The following KDM5A variants were observed in gnomAD, a reference collection of about 807,000 sequenced individuals.
KDM5A encodes the protein lysine demethylase 5A, also known as lysine-specific demethylase 5A.
In KDM5A, 42 loss-of-function variants were observed where a neutral mutation model predicts 193.5. That is an observed-to-expected ratio of 0.22 (90% CI 0.17 to 0.28). The LOEUF (loss-of-function observed/expected upper bound fraction) is 0.28, where lower values mean the gene tolerates loss of function less well. KDM5A is among the 10% of genes least tolerant of loss of function. KDM5A has a pLI of 1.00. For synonymous variants in KDM5A, 796 were observed against 718.1 expected (o/e 1.11, Z -1.73); for missense variants, 1,692 against 2,055.1 (o/e 0.82, Z 3.42).
chr12:382,748 A>G (rs890679727), intron 3 of KDM5A, among the ~76,000 whole-genome samples: 4 of 152,162 alleles, frequency 2.6e-5, no homozygotes, highest in African/African-American at 9.7e-5. Context: ...CCTGACTAAG[A>G]TAGTGAAACC....
At chr12:303,450 G>A (rs890420731) in intron 24 of KDM5A, among the ~76,000 whole-genome samples, 4 of 152,186 alleles carry the variant, frequency 2.6e-5, no homozygotes, top group African/African-American at 9.7e-5. Context: ...CTCATAAGTG[G>A]GAGTTGAACA....
chr12:315,555 C>A (rs959315573), intron 19 of KDM5A, among the ~76,000 whole-genome samples: 1 of 151,324 alleles, frequency 6.6e-6, no homozygotes, highest in Admixed American at 6.6e-5. Context: ...CCAGCCTGGG[C>A]AACAAAGCAA....
At chr12:381,025 G>A (rs1272507784) in intron 3 of KDM5A, among the ~76,000 whole-genome samples, 5 of 150,684 alleles carry the variant, frequency 3.3e-5, no homozygotes, top group East Asian at 2.0e-4. Flanking sequence ...GAGTTGTGCC[G>A]CTCTTATTGC....
In KDM5A at chr12:295,489, C is replaced by T. The variant is rs924791963; in HGVS notation, c.4455+84G>A. ...CAGCCAGATTACTGCCCTCAGCCAC[C>T]CCTTTGCCAACATTTATGATACCTC... is the stretch of plus-strand genomic sequence containing the variant. On this transcript the variant is annotated intron_variant, in intron 26 of 27. Transcript: ENST00000399788. 4 of 1,282,848 alleles carry T rather than the reference C, an allele frequency of 3.1e-6. No individual in the cohort carries two copies. In the African/African-American group the frequency reaches 4.4e-5, roughly 14 times the overall value. 79.5% of individuals were successfully genotyped at this position (1,282,848 alleles called of 1,614,324 possible).
intron 10 of KDM5A, among the ~76,000 whole-genome samples, chr12:345,333 A>T (rs1944057622): frequency 6.6e-6 from 1 of 152,114 alleles, no homozygotes; most frequent in African/African-American, 2.4e-5. Flanking sequence ...AACTTTAACA[A>T]CCCACTGTCA....
intron 13 of KDM5A, among the ~76,000 whole-genome samples, chr12:329,806 G>A (rs549813210): frequency 1.3e-4 from 20 of 152,128 alleles, no homozygotes; most frequent in Admixed American, 1.1e-3. Flanking sequence ...TGCCCTACAC[G>A]TATATACGCA....
chr12:322,247 GA>G, intron 17 of KDM5A, 169 bp downstream of exon 17: 1 of 640,648 alleles, frequency 1.6e-6, no homozygotes, highest in Non-Finnish European at 2.7e-6. Context: ...GCTGGAGCAA[GA>G]AAGAAGGGAG....
chr12:339,048 C>A (rs376600532), intron 10 of KDM5A, among the ~76,000 whole-genome samples: 1 of 151,790 alleles, frequency 6.6e-6, no homozygotes, highest in African/African-American at 2.4e-5. Context: ...CGTGGTGGTG[C>A]GTGCCTGTAA....
intron 3 of KDM5A, among the ~76,000 whole-genome samples, chr12:376,702 CT>C (rs1320740081): frequency 6.6e-6 from 1 of 152,202 alleles, no homozygotes; most frequent in Non-Finnish European, 1.5e-5. Context: ...GGAGCTGTTC[CT>C]ATTCGGCCAT....
chr12:287,235 G>A lies in KDM5A; in HGVS notation c.4867-1573C>T, dbSNP rs940304786. Among the ~76,000 whole-genome samples, 3 of 152,042 alleles carry A rather than the reference G, an allele frequency of 2.0e-5. No homozygotes were observed. In the South Asian group the frequency reaches 6.2e-4, roughly 32 times the overall value. On this transcript the variant is annotated intron_variant, in intron 27 of 27. Coordinates refer to ENST00000399788, the MANE Select transcript of KDM5A (RefSeq NM_001042603.3). The stretch of plus-strand genomic sequence containing the variant: ...ATTGTGTTTGTTTAAAATGTAGCTG[G>A]GACCCATCACCCTATGAACTCAGAA...
In KDM5A at chr12:296,867, A is replaced by G. The variant is rs561153253; in HGVS notation, c.4234+174T>C. On this transcript the variant is annotated intron_variant, in intron 25 of 27. Transcript: ENST00000399788. ...AAGTTTTCAGGTTGTGATGACAGAA[A>G]ATGCAAACAGGGATTGGCTTTTCCA... Among the ~76,000 whole-genome samples the G allele has an allele frequency of 3.9e-5, 6 of 152,338 alleles. 1 individual carries two copies. In the East Asian group the frequency reaches 1.2e-3, roughly 29 times the overall value.
At chr12:349,295 C>G (rs1944119146) in intron 10 of KDM5A, among the ~76,000 whole-genome samples, 1 of 149,636 alleles carries the variant, frequency 6.7e-6, no homozygotes, top group South Asian at 2.1e-4. Context: ...GCTGGGATTA[C>G]AGGTGTGAGC....
At position 307,323 on chromosome 12, in the gene KDM5A, GGA is replaced by G. The variant is rs1404028159; in HGVS notation, c.3930+129_3930+130del. The G allele has an allele frequency of 4.6e-6, 5 of 1,086,502 alleles. No individual in the cohort carries two copies. Among genetic ancestry groups the G allele is most frequent in the Non-Finnish European group, 4.1e-6 (3 of 725,632 alleles). The allele number at this position is 1,086,502 out of a possible 1,614,324, so 67.3% of individuals were successfully genotyped here. ...AAAAAGTGCTATAGTGTATGTTGAA[GGA>G]GAATGCAATGGATAATTGCTGACAA... On this transcript the variant is annotated intron_variant, in intron 23 of 27. Transcript: ENST00000399788. This position sits in a 1 kb window ranked among gnomAD's most constrained non-coding sequence, Gnocchi z 4.3.
chr12:313,682 A>G (rs750383219), intron 19 of KDM5A, among the ~76,000 whole-genome samples: 4 of 152,226 alleles, frequency 2.6e-5, no homozygotes, highest in Non-Finnish European at 5.9e-5. Context: ...AACATTAGTT[A>G]CACAAAGATG....
intron 10 of KDM5A, among the ~76,000 whole-genome samples, chr12:343,177 C>T (rs1001825150): frequency 6.6e-6 from 1 of 152,182 alleles, no homozygotes; most frequent in Non-Finnish European, 1.5e-5. Flanking sequence ...ACTGCTAGCG[C>T]AGCAGTCTGA....
At chr12:384,287 A>T (rs1944613271) in intron 2 of KDM5A, 134 bp from the exon 3 acceptor site, 2 of 708,914 alleles carry the variant, frequency 2.8e-6, no homozygotes, top group Admixed American at 2.0e-5. Flanking sequence ...ACACAGCAGG[A>T]GGTGAGCAGC....
chr12:286,166 A>G (rs1437730857), intron 27 of KDM5A: 2 of 509,508 alleles, frequency 3.9e-6, no homozygotes, highest in East Asian at 5.7e-5. Flanking sequence ...TTTAAAACTA[A>G]TATTTTTTAT....
chr12:385,500 ACC>A (rs1269345673), intron 2 of KDM5A, among the ~76,000 whole-genome samples: 1 of 152,074 alleles, frequency 6.6e-6, no homozygotes. Context: ...TTCCATTAAA[ACC>A]AAAACCAAAA....
rs1285773872 is a variant in KDM5A at position 384,117 on chromosome 12, G to C, written c.280C>G (p.Leu94Val). ...CCTTGAAGTTCCCAAAATTTTGCTA[G>C]TTGATCCAAGAAATCCAATCTCACT... ...TRVRLDFLDQ[L>V]AKFWELQGST... The change falls in exon 3 of 28, where the codon CTA (leucine) becomes GTA (valine). Residue 94 changes from leucine (L) to valine (V), a missense_variant. This residue lies in a region of KDM5A where 120 missense variants were observed against 172.0 expected (regional missense o/e 0.70). Transcript: ENST00000399788. 1.2e-6 allele frequency: 2 copies of C among 1,603,414 alleles called. No individual in the cohort carries two copies. Among genetic ancestry groups the C allele is most frequent in the Non-Finnish European group, 8.5e-7 (1 of 1,170,310 alleles).
Sources: allele counts gnomAD v4.1 joint callset (sites outside exome capture counted in the v4.1 genomes callset), GRCh38; gene constraint gnomAD v4.1.1; regional missense constraint gnomAD v4.1.1; non-coding constraint Gnocchi (gnomAD v3.1); transcripts MANE v1.5; gene names NCBI Gene and HGNC (gene_info 2026-07-23, HGNC 2026-07-21).